COL26A1: variants seen among roughly 807,000 people sequenced by gnomAD.
The protein encoded by COL26A1 is collagen type XXVI alpha 1 chain, also known as collagen alpha-1(XXVI) chain.
Under a neutral mutation model 59.3 loss-of-function variants are expected in COL26A1, and 41 were observed. That is an observed-to-expected ratio of 0.69 (90% CI 0.54 to 0.90). The LOEUF is 0.90. Ranked by LOEUF, COL26A1 falls within the 40% of genes least tolerant of loss-of-function variation. The pLI is 0.00. For synonymous variants in COL26A1, 266 were observed against 256.0 expected, an observed-to-expected ratio of 1.04 and a Z score of -0.37; for missense variants, 612 against 602.3, an observed-to-expected ratio of 1.02 and a Z score of -0.17.
At chr7:101,531,549 G>A (rs766567346) in intron 3 of COL26A1, among the ~76,000 whole-genome samples, 18 of 152,164 alleles carry the variant, frequency 1.2e-4, no homozygotes, top group Non-Finnish European at 2.5e-4. Flanking sequence ...ATAAATCACT[G>A]ATTTGGGCCA....
intron 3 of COL26A1, among the ~76,000 whole-genome samples, chr7:101,476,163 T>C (rs1322399621): frequency 6.7e-6 from 1 of 150,286 alleles, no homozygotes; most frequent in Non-Finnish European, 1.5e-5. Flanking sequence ...TGTGTGTGTG[T>C]GTGTGTGTGT....
At chr7:101,534,385 G>A (rs1289000536) in intron 4 of COL26A1, among the ~76,000 whole-genome samples, 5 of 152,180 alleles carry the variant, frequency 3.3e-5, no homozygotes, top group Admixed American at 2.6e-4. Context: ...CCACCCAGAA[G>A]AGCACACATA....
At chr7:101,516,161 C>A (rs368912650) in intron 3 of COL26A1, among the ~76,000 whole-genome samples, 35 of 152,330 alleles carry the variant, frequency 2.3e-4, no homozygotes, top group African/African-American at 7.0e-4. Flanking sequence ...ATCCAGATAT[C>A]TTTTCTAATC....
chr7:101,502,290 C>T (rs1056492466), intron 3 of COL26A1, among the ~76,000 whole-genome samples: 49 of 152,224 alleles, frequency 3.2e-4, no homozygotes, highest in African/African-American at 1.1e-3. Flanking sequence ...TGCAGTGAGC[C>T]GAGATCGCAC....
intron 3 of COL26A1, among the ~76,000 whole-genome samples, chr7:101,468,071 G>A (rs1485420151): frequency 6.6e-6 from 1 of 152,094 alleles, no homozygotes; most frequent in African/African-American, 2.4e-5. Flanking sequence ...GGGAGGCCAA[G>A]TCTGGTAGAT....
rs1794626211 is a variant in COL26A1 at position 101,498,063 on chromosome 7, C to T, written c.386-35019C>T. On this transcript the variant is annotated intron_variant, in intron 3 of 12. Transcript: ENST00000313669. ...GACTGAGAAAAGCTAACACAGAGAA[C>T]AAAAAGCCAATTGGTCATTTCAAAG... Among the ~76,000 whole-genome samples the T allele has an allele frequency of 3.9e-5, 6 of 152,276 alleles. No individual in the cohort carries two copies. The South Asian group carries it at 1.2e-3, about 32-fold the overall frequency.
chr7:101,487,199 A>G (rs899917722), intron 3 of COL26A1, among the ~76,000 whole-genome samples: 26 of 152,236 alleles, frequency 1.7e-4, no homozygotes, highest in Admixed American at 1.2e-3. Flanking sequence ...GGTCCTGGAG[A>G]AAAGGACCTT....
rs141216659 is a variant in COL26A1, at chr7:101,411,604, C to G, written c.159-8373C>G. On this transcript the variant is annotated intron_variant, in intron 1 of 12. Coordinates refer to ENST00000313669, the MANE Select transcript of COL26A1 (RefSeq NM_001278563.3). ...ACGGGGAACTTAGAGGTGCTGGCCT[C>G]CAAGCTGGAGGAGCAAGTCGGGGTT... Among the ~76,000 whole-genome samples, 12 of 152,158 alleles carry G rather than the reference C, an allele frequency of 7.9e-5. 1 individual carries two copies. The highest frequency in any genetic ancestry group is 2.9e-4 in the African/African-American group (12 of 41,542).
Position 101,556,094 on chromosome 7 carries a change from G to A in COL26A1, c.1165+223G>A, listed in dbSNP as rs576106159. Reference sequence around the variant, plus strand: ...CCAGCCCCTCCCTAGTATAGCCATGGTGGGCAGAGCCCTGCCCAGCCATGT... The same window carrying A: ...CCAGCCCCTCCCTAGTATAGCCATGATGGGCAGAGCCCTGCCCAGCCATGT... On this transcript the variant is annotated intron_variant, in intron 12 of 12. Coordinates refer to ENST00000313669, the MANE Select transcript of COL26A1 (RefSeq NM_001278563.3). Among the ~76,000 whole-genome samples, 3 of 152,302 alleles carry A rather than the reference G, an allele frequency of 2.0e-5. No homozygotes were observed. The South Asian group carries it at 6.2e-4, about 32-fold the overall frequency.
At position 101,468,496 on chromosome 7, in the gene COL26A1, C is replaced by A. The variant is rs115660720; in HGVS notation, c.385+20709C>A. Among the ~76,000 whole-genome samples the A allele has an allele frequency of 9.8e-3, 1,493 of 152,114 alleles. 21 individuals are homozygous for A. Among genetic ancestry groups the A allele is most frequent in the African/African-American group, 0.034 (1,425 of 41,492 alleles). On this transcript the variant is annotated intron_variant, in intron 3 of 12. Transcript: ENST00000313669. ...GAGTAGCCCTGCTGGGGAAGGGGCA[C>A]CTTGGAGGTCTCTGCTCCCCGAGGC...
chr7:101,497,844 T>C (rs1365391659), intron 3 of COL26A1, among the ~76,000 whole-genome samples: 2 of 152,056 alleles, frequency 1.3e-5, no homozygotes, highest in Non-Finnish European at 2.9e-5. Flanking sequence ...ATTTGCTAGG[T>C]GTGGTGTCAT....
At chr7:101,389,804 C>T (rs998152181) in intron 1 of COL26A1, among the ~76,000 whole-genome samples, 2 of 152,044 alleles carry the variant, frequency 1.3e-5, no homozygotes, top group African/African-American at 2.4e-5. Context: ...CCGCCCATCT[C>T]GGCCTCCCAA....
intron 1 of COL26A1, among the ~76,000 whole-genome samples, chr7:101,376,114 A>ATGGGT (rs1562953415): frequency 6.7e-6 from 1 of 148,634 alleles, no homozygotes; most frequent in East Asian, 2.0e-4. Flanking sequence ...CAGCCTTGGC[A>ATGGGT]ATATAGCAAG....
intron 2 of COL26A1, among the ~76,000 whole-genome samples, chr7:101,446,005 G>A (rs1042952985): frequency 6.5e-4 from 86 of 131,958 alleles, no homozygotes; most frequent in Admixed American, 2.0e-3. Context: ...CCGAGATCGC[G>A]CCACTGAATT....
At chr7:101,425,999 G>T (rs1035412776) in intron 2 of COL26A1, among the ~76,000 whole-genome samples, 1 of 151,714 alleles carries the variant, frequency 6.6e-6, no homozygotes, top group Non-Finnish European at 1.5e-5. Context: ...GCTAATTTTT[G>T]TATTTTTAGT....
chr7:101,500,573 A>G (rs958766620), intron 3 of COL26A1, among the ~76,000 whole-genome samples: 2 of 152,114 alleles, frequency 1.3e-5, no homozygotes, highest in East Asian at 3.9e-4. Flanking sequence ...AACCCAGCAC[A>G]CTGGCAGGCC....
chr7:101,388,949 A>G (rs1246154621), intron 1 of COL26A1: 5 of 270,998 alleles, frequency 1.8e-5, no homozygotes, highest in African/African-American at 6.8e-5. Flanking sequence ...CAGATCAGGA[A>G]TATCTACCAA....
intron 3 of COL26A1, among the ~76,000 whole-genome samples, chr7:101,510,027 C>CTTTTTT (rs3073374): frequency 0.026 from 3,149 of 122,234 alleles, 88 homozygotes; most frequent in South Asian, 0.036. Flanking sequence ...CGCGCCCAGT[C>CTTTTTT]TTTTTTTTTT....
chr7:101,362,472 C>T (rs1306271931), upstream of COL26A1, among the ~76,000 whole-genome samples: 1 of 152,278 alleles, frequency 6.6e-6, no homozygotes, highest in African/African-American at 2.4e-5. Flanking sequence ...TCCAAAGAGC[C>T]CTGCACAAGG....
Sources: allele counts gnomAD v4.1 joint callset (sites outside exome capture counted in the v4.1 genomes callset), GRCh38; gene constraint gnomAD v4.1.1; transcripts MANE v1.5; gene names NCBI Gene and HGNC (gene_info 2026-07-23, HGNC 2026-07-21).